The following LARS1 variants were observed in gnomAD, a reference collection of about 807,000 sequenced individuals.
LARS1 encodes leucine--tRNA ligase, cytoplasmic.
In LARS1, 100 loss-of-function variants were observed where a neutral mutation model predicts 162.8. The observed-to-expected ratio is 0.61, with a 90% CI of 0.52 to 0.73. The LOEUF is 0.73. LARS1 is among the 30% of genes least tolerant of loss of function. The probability of loss-of-function intolerance (pLI) is 0.00; values close to 1 mark genes in which losing one functional copy is unlikely to be tolerated. For missense variants in LARS1, 1,258 were observed against 1,408.9 expected (o/e 0.89, Z 1.71); for synonymous variants, 457 against 462.8 (o/e 0.99, Z 0.16).
At position 146,126,542 on chromosome 5, in the gene LARS1, T is replaced by C. The variant is rs748855390; in HGVS notation, c.2884A>G (p.Asn962Asp). Residue 962 changes from asparagine (N) to aspartate (D), a missense_variant, in exon 28 of 32, where the codon AAT becomes GAT. Physicochemically the swap from Asn to Asp is conservative, Grantham distance 23. Coordinates refer to ENST00000394434, the MANE Select transcript of LARS1 (RefSeq NM_020117.11). ...TTGTTGTCAGGCAGTTTTCCGTTATTGGCCTAAGAAAAGGAAGGAGGGAGA... is the reference window on the plus strand; with the variant it reads ...TTGTTGTCAGGCAGTTTTCCGTTATCGGCCTAAGAAAAGGAAGGAGGGAGA... ...LSVLRKHFEA[N>D]NGKLPDNKVI... is the part of the protein sequence containing the mutation. The C allele has an allele frequency of 6.2e-7, 1 of 1,607,848 alleles. No homozygotes were observed. Among genetic ancestry groups the C allele is most frequent in the Non-Finnish European group, 8.5e-7 (1 of 1,174,866 alleles).
At chr5:146,162,880 G>T (rs994430260) in intron 6 of LARS1, among the ~76,000 whole-genome samples, 2 of 152,208 alleles carry the variant, frequency 1.3e-5, no homozygotes, top group African/African-American at 4.8e-5. Flanking sequence ...CAATGGCGCA[G>T]CCTCAGCTCA....
chr5:146,154,044 T>C, intron 10 of LARS1, 64 bp from the exon 11 acceptor site: 1 of 1,153,536 alleles, frequency 8.7e-7, no homozygotes, highest in East Asian at 2.4e-5. Context: ...GAATTAAAAC[T>C]ATGTTAATAT....
intron 4 of LARS1, among the ~76,000 whole-genome samples, chr5:146,170,112 A>C (rs773355598): frequency 3.0e-4 from 45 of 152,170 alleles, no homozygotes; most frequent in Non-Finnish European, 6.5e-4. Flanking sequence ...TATCACGACA[A>C]ACAACTAAAA....
At chr5:146,129,218 A>G in intron 25 of LARS1, 100 bp from the exon 26 acceptor site, 2 of 1,042,428 alleles carry the variant, frequency 1.9e-6, no homozygotes, top group African/African-American at 1.6e-5. Flanking sequence ...TACCATCTGT[A>G]ATTGTGTGCT....
At chr5:146,179,458 G>A (rs774853438) in intron 1 of LARS1, among the ~76,000 whole-genome samples, 9 of 152,028 alleles carry the variant, frequency 5.9e-5, no homozygotes, top group South Asian at 2.1e-4. Context: ...CACCCAGCCC[G>A]GTCTGTAAAA....
At chr5:146,144,397 T>C (rs1752922200) in intron 17 of LARS1, 48 bp from the exon 18 acceptor site, 1 of 1,595,722 alleles carries the variant, frequency 6.3e-7, no homozygotes, top group South Asian at 1.1e-5. Flanking sequence ...TTCACTTTTT[T>C]TGTTGCATTT....
At chr5:146,121,192 A>G in intron 30 of LARS1, among the ~76,000 whole-genome samples, 1 of 152,176 alleles carries the variant, frequency 6.6e-6, no homozygotes, top group East Asian at 1.9e-4. Flanking sequence ...TCCTTACATG[A>G]TGCTAAATTC....
rs759215928 is a variant in LARS1 at position 146,143,082 on chromosome 5, G to A, written c.1880C>T (p.Pro627Leu). ...GQAESPLGIR[P>L]QQMTKEVWDY... ...CCAAACTTCCTTGGTCATCTGTTGCGGTCTGTATTAAAAATAAAACAAACT... is the reference window on the plus strand; with the variant it reads ...CCAAACTTCCTTGGTCATCTGTTGCAGTCTGTATTAAAAATAAAACAAACT... The change falls in exon 20 of 32, where the codon CCG (proline) becomes CTG (leucine). Residue 627 changes from proline to leucine, a missense_variant and splice_region_variant. Pro to Leu is a moderately conservative substitution (Grantham distance 98). Coordinates refer to ENST00000394434, the MANE Select transcript of LARS1 (RefSeq NM_020117.11). The A allele has an allele frequency of 8.1e-6, 13 of 1,596,702 alleles. No individual in the cohort carries two copies. The highest frequency in any genetic ancestry group is 3.5e-5 in the Admixed American group (2 of 57,154).
chr5:146,165,671 AG>A (rs767477784), intron 5 of LARS1, among the ~76,000 whole-genome samples: 1 of 151,644 alleles, frequency 6.6e-6, no homozygotes, highest in Non-Finnish European at 1.5e-5. Flanking sequence ...ACCACACTCA[AG>A]GGGGAGGGAA....
At position 146,166,572 on chromosome 5, in the gene LARS1, A is replaced by C. The variant is rs76209230; in HGVS notation, c.432+1556T>G. On this transcript the variant is annotated intron_variant, in intron 5 of 31. Transcript: ENST00000394434. ...AAAAAGCTCAATGGTATTGGCTTAT[A>C]ACCTGAAGAATAAAGTGAATATCCA... Among the ~76,000 whole-genome samples, 11 of 152,334 alleles carry C rather than the reference A, an allele frequency of 7.2e-5. No homozygotes were observed. The East Asian group carries it at 2.1e-3, about 29-fold the overall frequency.
chr5:146,128,686 G>A lies in LARS1; in HGVS notation c.2866C>T (p.Arg956Cys), dbSNP rs200546271. 39 of 1,579,830 alleles carry A rather than the reference G, an allele frequency of 2.5e-5. No individual in the cohort carries two copies. The highest frequency in any genetic ancestry group is 9.7e-5 in the African/African-American group (7 of 72,444). Residue 956 changes from arginine (R) to cysteine (C), a missense_variant, in exon 27 of 32, where the codon CGT (arginine) becomes TGT (cysteine). By Grantham distance (180) the Arg-to-Cys change is radical. Coordinates refer to ENST00000394434, the MANE Select transcript of LARS1 (RefSeq NM_020117.11). ...PWQHTTLSVL[R>C]KHFEANNGKL... Reference sequence around the variant, plus strand: ...GAGAGCATCACCTCAAAGTGTTTACGTAGAACAGACAGGGTGGTATGTTGC... The same window carrying A: ...GAGAGCATCACCTCAAAGTGTTTACATAGAACAGACAGGGTGGTATGTTGC...
intron 14 of LARS1, among the ~76,000 whole-genome samples, chr5:146,150,958 C>CACACACAT (rs1561816981): frequency 1.3e-5 from 2 of 151,058 alleles, no homozygotes; most frequent in African/African-American, 2.4e-5. Context: ...CACACACACA[C>CACACACAT]ACACACACAC....
chr5:146,148,817 T>G (rs1007274311), intron 15 of LARS1, among the ~76,000 whole-genome samples: 2 of 152,202 alleles, frequency 1.3e-5, no homozygotes, highest in African/African-American at 4.8e-5. Context: ...GGCTCATGCC[T>G]GTAATCCCAG....
rs2895649 is a variant in LARS1, at chr5:146,128,908, T to C, written c.2769+70A>G. The C allele has an allele frequency of 0.27, 388,472 of 1,453,114 alleles. 55,831 individuals carry two copies. The highest frequency in any genetic ancestry group is 0.39 in the Admixed American group (17,601 of 44,588). 90.0% of individuals were successfully genotyped at this position (1,453,114 alleles called of 1,614,324 possible). A position where few individuals can be genotyped will look rare whatever the true frequency, so the allele number is the denominator to read the frequency against. ...ATGAAAATCTTTTTAACTTTCATTA[T>C]TGTTAAATGTTATCTGATCAATAAC... On this transcript the variant is annotated intron_variant, in intron 26 of 31. Coordinates refer to ENST00000394434, the MANE Select transcript of LARS1 (RefSeq NM_020117.11).
intron 6 of LARS1, among the ~76,000 whole-genome samples, chr5:146,160,948 T>C (rs1458754801): frequency 1.3e-5 from 2 of 152,200 alleles, no homozygotes; most frequent in East Asian, 1.9e-4. Flanking sequence ...AGGGGAAATA[T>C]ATTATTCTAA....
chr5:146,136,916 T>A (rs1256621365), intron 21 of LARS1, among the ~76,000 whole-genome samples: 1 of 152,248 alleles, frequency 6.6e-6, no homozygotes, highest in East Asian at 1.9e-4. Context: ...TTCCCTTTTT[T>A]TGAGATGCAG....
chr5:146,140,323 A>C (rs1752716862), intron 20 of LARS1, 62 bp from the exon 21 acceptor site: 5 of 1,366,876 alleles, frequency 3.7e-6, no homozygotes, highest in Non-Finnish European at 5.2e-6. Context: ...TCTGGCTTAA[A>C]ATTTTGAGGT....
intron 5 of LARS1, among the ~76,000 whole-genome samples, chr5:146,167,105 A>G (rs544601885): frequency 6.6e-6 from 1 of 152,350 alleles, no homozygotes; most frequent in East Asian, 1.9e-4. Context: ...TATAAAGGTC[A>G]TAGAAGAAAA....
intron 15 of LARS1, among the ~76,000 whole-genome samples, chr5:146,147,671 C>T (rs1753075226): frequency 6.6e-6 from 1 of 151,944 alleles, no homozygotes; most frequent in East Asian, 1.9e-4. Context: ...AGAGGACCAA[C>T]AGGACTGCCA....
Sources: gnomAD v4.1 joint callset for allele counts (sites outside exome capture counted in the v4.1 genomes callset) on GRCh38, gnomAD v4.1.1 for gene constraint, MANE v1.5 for transcripts, NCBI Gene and HGNC (gene_info 2026-07-23, HGNC 2026-07-21) for gene names.